Variants in IQSEC1 observed in about 807,000 individuals in gnomAD.
IQSEC1 encodes IQ motif and SEC7 domain-containing protein 1.
Under a neutral mutation model 91.0 loss-of-function variants are expected in IQSEC1, and 31 were observed. That is an observed-to-expected ratio of 0.34 (90% CI 0.26 to 0.46). IQSEC1 has a LOEUF of 0.46. Among genes scored for constraint, IQSEC1 ranks in the 20% least tolerant of loss-of-function variants. IQSEC1 has a pLI of 1.00. For missense variants in IQSEC1, 1,388 were observed against 1,575.6 expected (o/e 0.88, Z 2.02); for synonymous variants, 699 against 662.6 (o/e 1.05, Z -0.84).
At position 12,967,702 on chromosome 3, in the gene IQSEC1, G is replaced by A. The variant is rs1365378950; in HGVS notation, c.24-25837C>T. Reference sequence around the variant, plus strand: ...CGCCGCCCGCTTGGCGCAGCGCGAGGCCGGGCCGGAGGAATGTGGCCCTGA... The same window carrying A: ...CGCCGCCCGCTTGGCGCAGCGCGAGACCGGGCCGGAGGAATGTGGCCCTGA... On this transcript the variant is annotated intron_variant, in intron 1 of 13. Transcript: ENST00000613206. The surrounding 1 kb of genome is among the most constrained non-coding windows in gnomAD (Gnocchi z 5.9). 4 of 1,135,568 alleles carry A rather than the reference G, an allele frequency of 3.5e-6. No individual in the cohort carries two copies. The highest frequency in any genetic ancestry group is 4.5e-5 in the East Asian group (1 of 22,072). 70.3% of individuals were successfully genotyped at this position (1,135,568 alleles called of 1,614,324 possible).
chr3:13,203,462 TG>T (rs1254705152), intron 1 of IQSEC1, among the ~76,000 whole-genome samples: 1 of 152,182 alleles, frequency 6.6e-6, no homozygotes, highest in African/African-American at 2.4e-5. Flanking sequence ...ATTCCTGTAG[TG>T]GGCACCCCCA....
chr3:13,248,282 A>T (rs1695140079), intron 1 of IQSEC1, among the ~76,000 whole-genome samples: 1 of 152,192 alleles, frequency 6.6e-6, no homozygotes, highest in African/African-American at 2.4e-5. Context: ...CCTCATAGAC[A>T]GTTCTGGCTA....
At chr3:13,128,876 C>CAAAAAA (rs34011478) in intron 2 of IQSEC1, among the ~76,000 whole-genome samples, 3 of 87,452 alleles carry the variant, frequency 3.4e-5, no homozygotes, top group Non-Finnish European at 4.5e-5. Context: ...GACTCTGTCT[C>CAAAAAA]AAAAAAAAAA....
chr3:13,038,262 GTATA>G (rs58338571), intron 1 of IQSEC1, among the ~76,000 whole-genome samples: 3,087 of 101,124 alleles, frequency 0.031, 91 homozygotes, highest in African/African-American at 0.077. Context: ...GTGTGTGTGT[GTATA>G]TATATATATA....
intron 1 of IQSEC1, among the ~76,000 whole-genome samples, chr3:12,993,521 A>G (rs360839): frequency 0.14 from 21,126 of 151,780 alleles, 1,513 homozygotes; most frequent in Middle Eastern, 0.18. Context: ...GGGGTGGGGA[A>G]TGCTTTGCAT....
In IQSEC1 at chr3:12,941,812, G is replaced by C. The variant is rs1407433890; in HGVS notation, c.77C>G (p.Ser26Ter). The change falls in exon 2 of 14, where the codon TCA (serine) becomes TGA (stop). Residue 26 changes from serine to a stop codon, truncating the protein, a stop_gained. Coordinates refer to ENST00000613206, the MANE Select transcript of IQSEC1 (RefSeq NM_001134382.3). LOFTEE classifies it high-confidence loss of function. Reference sequence around the variant, plus strand: ...CACCAAGGGGCCCTGGGGGTAGGCTGAGGGGCTGTCCAGGGATGTGCCAGT... The same window carrying C: ...CACCAAGGGGCCCTGGGGGTAGGCTCAGGGGCTGTCCAGGGATGTGCCAGT... ...SETGTSLDSPSAYPQGPLVPG... is the reference protein window; with the variant it reads ...SETGTSLDSP The C allele has an allele frequency of 6.2e-7, 1 of 1,610,072 alleles. No homozygotes were observed.
intron 1 of IQSEC1, among the ~76,000 whole-genome samples, chr3:13,209,012 C>T (rs1228177108): frequency 6.6e-6 from 1 of 152,210 alleles, no homozygotes; most frequent in East Asian, 1.9e-4. Flanking sequence ...CAGCACCTTC[C>T]GGGCTCAGAG....
chr3:13,182,580 G>C (rs1317871938), intron 1 of IQSEC1, among the ~76,000 whole-genome samples: 1 of 152,102 alleles, frequency 6.6e-6, no homozygotes, highest in African/African-American at 2.4e-5. Flanking sequence ...TAGAGAGATG[G>C]GTGGGTGAAT....
intron 1 of IQSEC1, among the ~76,000 whole-genome samples, chr3:13,253,866 C>T (rs1321967088): frequency 1.3e-5 from 2 of 152,134 alleles, no homozygotes; most frequent in Admixed American, 6.5e-5. Flanking sequence ...CTCTGATACC[C>T]GGGGCCCCCA....
intron 2 of IQSEC1, among the ~76,000 whole-genome samples, chr3:13,158,745 T>C (rs1707122037): frequency 6.6e-6 from 1 of 152,174 alleles, no homozygotes. Context: ...GCAGATCACT[T>C]GAGCCCAGGA....
chr3:13,135,911 C>T (rs1016356420), intron 2 of IQSEC1, among the ~76,000 whole-genome samples: 5 of 152,220 alleles, frequency 3.3e-5, no homozygotes, highest in East Asian at 1.9e-4. Flanking sequence ...TGCCTAGCAT[C>T]GTGGACATGA....
chr3:12,898,383 C>T lies in IQSEC1; in HGVS notation c.*2600G>A, dbSNP rs1323518056. 1.3e-5 allele frequency: 2 copies of T among 152,266 alleles called. No individual in the cohort carries two copies. Among genetic ancestry groups the T allele is most frequent in the Non-Finnish European group, 2.9e-5 (2 of 68,056 alleles). 9.4% of individuals were successfully genotyped at this position (152,266 alleles called of 1,614,324 possible). A position where few individuals can be genotyped will look rare whatever the true frequency, so the allele number is the denominator to read the frequency against. On this transcript the variant is annotated 3_prime_UTR_variant, in exon 14 of 14. Coordinates refer to ENST00000613206, the MANE Select transcript of IQSEC1 (RefSeq NM_001134382.3). ...AACCTCACTAGCCTGAAGGAACACA[C>T]TGAGTGCGGCGGGAAACCCCGGGAA...
chr3:12,941,961 G>A, intron 1 of IQSEC1, 96 bp from the exon 2 acceptor site: 1 of 1,166,166 alleles, frequency 8.6e-7, no homozygotes, highest in Non-Finnish European at 1.2e-6. Flanking sequence ...TCCTGGAGGA[G>A]CCCCCATGCC....
At position 13,082,736 on chromosome 3, in the gene IQSEC1, C is replaced by T. The variant is rs554859377; in HGVS notation, c.303-35214G>A. Among the ~76,000 whole-genome samples the T allele has an allele frequency of 2.6e-5, 4 of 152,214 alleles. No homozygotes were observed. In the South Asian group the frequency reaches 8.3e-4, roughly 32 times the overall value. On this transcript the variant is annotated intron_variant, in intron 2 of 15. Coordinates refer to the IQSEC1 transcript ENST00000648114. ...ACCATGTCGTAGCTCTGGTTCCAACCCAGTGCTGGTCACCCTTGGCTCTCG... is the reference window on the plus strand; with the variant it reads ...ACCATGTCGTAGCTCTGGTTCCAACTCAGTGCTGGTCACCCTTGGCTCTCG...
chr3:13,134,953 G>A (rs905734634), intron 2 of IQSEC1, among the ~76,000 whole-genome samples: 1 of 152,130 alleles, frequency 6.6e-6, no homozygotes, highest in African/African-American at 2.4e-5. Flanking sequence ...CACTCTGCAA[G>A]GGGGATCACC....
At chr3:13,054,990 C>CGCCT (rs1198069069) in intron 1 of IQSEC1, among the ~76,000 whole-genome samples, 4 of 152,252 alleles carry the variant, frequency 2.6e-5, no homozygotes, top group African/African-American at 4.8e-5. Context: ...GGCTGACGCC[C>CGCCT]GCCTGTCCTG....
chr3:12,984,708 C>T (rs1389557346), intron 1 of IQSEC1, among the ~76,000 whole-genome samples: 1 of 151,838 alleles, frequency 6.6e-6, no homozygotes, highest in South Asian at 2.1e-4. Flanking sequence ...AAAGATAAGT[C>T]GCTTACAGGT....
chr3:13,131,892 G>A (rs931726418), intron 2 of IQSEC1, among the ~76,000 whole-genome samples: 2 of 152,052 alleles, frequency 1.3e-5, no homozygotes, highest in African/African-American at 4.8e-5. Flanking sequence ...TGGTCCCATT[G>A]TAGTTTTAAT....
chr3:13,085,851 G>A (rs1291457715), intron 2 of IQSEC1, among the ~76,000 whole-genome samples: 1 of 152,228 alleles, frequency 6.6e-6, no homozygotes, highest in Non-Finnish European at 1.5e-5. Context: ...CCCTTCCTGC[G>A]GGGAACACAG....
Sources: gnomAD v4.1 joint callset for allele counts (sites outside exome capture counted in the v4.1 genomes callset) on GRCh38, gnomAD v4.1.1 for gene constraint, Gnocchi (gnomAD v3.1) non-coding constraint, MANE v1.5 for transcripts, NCBI Gene and HGNC (gene_info 2026-07-23, HGNC 2026-07-21) for gene names.